The following ASB7 variants were observed in gnomAD, a reference collection of about 807,000 sequenced individuals.
ASB7 encodes ankyrin repeat and SOCS box protein 7.
A neutral mutation model predicts 32.5 loss-of-function variants in ASB7; 4 were observed. The ratio of observed to expected loss-of-function variants is 0.12; its 90% confidence interval spans 0.06 to 0.28. The LOEUF (loss-of-function observed/expected upper bound fraction) is 0.28, where lower values mean the gene tolerates loss of function less well. ASB7 is among the 10% of genes least tolerant of loss of function. The pLI is 1.00. For synonymous variants in ASB7, 172 were observed against 155.6 expected, an observed-to-expected ratio of 1.11 and a Z score of -0.78; for missense variants, 181 against 407.1, an observed-to-expected ratio of 0.44 and a Z score of 4.78.
rs553216641 is a variant in ASB7, at chr15:100,650,362, A to G, written c.*1900A>G. ...TTAAACCAATACCCAGGTCAGGGCT[A>G]GTTCACACTAGCACTGTTAGGGACA... On this transcript the variant is annotated 3_prime_UTR_variant, in exon 6 of 6. Transcript: ENST00000332783. 2.6e-5 allele frequency: 4 copies of G among 152,328 alleles called. No individual in the cohort carries two copies. The highest frequency in any genetic ancestry group is 9.6e-5 in the African/African-American group (4 of 41,568). The allele number at this position is 152,328 out of a possible 1,614,324, so 9.4% of individuals were successfully genotyped here. A position where few individuals can be genotyped will look rare whatever the true frequency, so the allele number is the denominator to read the frequency against.
At chr15:100,627,514 A>G (rs1417907043) in intron 4 of ASB7, among the ~76,000 whole-genome samples, 2 of 152,138 alleles carry the variant, frequency 1.3e-5, no homozygotes, top group African/African-American at 4.8e-5. Flanking sequence ...CTAATCTCCC[A>G]TTTGATTTTA....
intron 4 of ASB7, 125 bp downstream of exon 4, chr15:100,612,552 C>A: frequency 2.2e-6 from 2 of 898,118 alleles, no homozygotes; most frequent in South Asian, 1.6e-5. Flanking sequence ...TATTCTCTCT[C>A]CTTTGTGAAG....
At chr15:100,645,125 G>C (rs1293288278) in intron 5 of ASB7, among the ~76,000 whole-genome samples, 1 of 152,220 alleles carries the variant, frequency 6.6e-6, no homozygotes, top group Non-Finnish European at 1.5e-5. Context: ...GTATGGTCTA[G>C]TGGGCCCTGG....
chr15:100,608,665 TAGG>T (rs1375540399), intron 2 of ASB7, among the ~76,000 whole-genome samples: 3 of 152,202 alleles, frequency 2.0e-5, no homozygotes, highest in Non-Finnish European at 2.9e-5. Context: ...GCTTGCTTTG[TAGG>T]AGTTGTTCTG....
chr15:100,624,745 C>G (rs765797285), intron 4 of ASB7, among the ~76,000 whole-genome samples: 9 of 152,160 alleles, frequency 5.9e-5, no homozygotes, highest in Non-Finnish European at 1.0e-4. Flanking sequence ...AATTTTTTGA[C>G]AGAGGAGGGA....
rs1406002721 is a variant in ASB7, at chr15:100,651,033, C to A, written c.*2571C>A. On this transcript the variant is annotated 3_prime_UTR_variant, in exon 6 of 6. Transcript: ENST00000332783. ...GAACAGAAAATGTTCAGAATATTTT[C>A]AAATTTGTCAGATTCTTTTATGTTT... The A allele has an allele frequency of 6.6e-6, 1 of 152,146 alleles. No homozygotes were observed. The highest frequency in any genetic ancestry group is 1.5e-5 in the Non-Finnish European group (1 of 68,010). The allele number at this position is 152,146 out of a possible 1,614,324, so 9.4% of individuals were successfully genotyped here. A position where few individuals can be genotyped will look rare whatever the true frequency, so the allele number is the denominator to read the frequency against.
chr15:100,616,056 C>G (rs758081765), intron 4 of ASB7, among the ~76,000 whole-genome samples: 3 of 152,198 alleles, frequency 2.0e-5, no homozygotes, highest in Non-Finnish European at 4.4e-5. Flanking sequence ...AAGAGATTGT[C>G]ATCATTTTAT....
chr15:100,627,267 G>A (rs570180342), intron 4 of ASB7, among the ~76,000 whole-genome samples: 1 of 152,236 alleles, frequency 6.6e-6, no homozygotes, highest in South Asian at 2.1e-4. Flanking sequence ...AGTTCAGTGG[G>A]GTTGCTGTTT....
Position 100,648,767 on chromosome 15 carries a change from G to A in ASB7, c.*305G>A, listed in dbSNP as rs1307857561. 2.1e-5 allele frequency: 4 copies of A among 189,830 alleles called. No homozygotes were observed. Among genetic ancestry groups the A allele is most frequent in the Non-Finnish European group, 4.3e-5 (4 of 93,380 alleles). 11.8% of individuals were successfully genotyped at this position (189,830 alleles called of 1,614,324 possible). On this transcript the variant is annotated 3_prime_UTR_variant, in exon 6 of 6. Coordinates refer to ENST00000332783, the MANE Select transcript of ASB7 (RefSeq NM_198243.3). ...AATTGTCTTTTCTTAAATGACACAA[G>A]CAGGTTTAGAGTGGAGAATTTACCC...
At chr15:100,645,465 C>T in intron 5 of ASB7, 1 of 496,560 alleles carries the variant, frequency 2.0e-6, no homozygotes, top group South Asian at 1.8e-5. Context: ...TTATTATCTG[C>T]TCCTCCACTC....
intron 4 of ASB7, among the ~76,000 whole-genome samples, chr15:100,623,642 T>C (rs1267533133): frequency 1.3e-5 from 2 of 152,262 alleles, no homozygotes; most frequent in Middle Eastern, 3.4e-3. Context: ...GGTGGGACTG[T>C]CAATTAGTAT....
At chr15:100,609,073 C>A (rs1424905384) in intron 2 of ASB7, among the ~76,000 whole-genome samples, 2 of 152,172 alleles carry the variant, frequency 1.3e-5, no homozygotes, top group African/African-American at 4.8e-5. Flanking sequence ...GAAGAAAGAT[C>A]CCTTTTCTTT....
chr15:100,606,147 C>T (rs550312549), intron 2 of ASB7, among the ~76,000 whole-genome samples: 1 of 152,072 alleles, frequency 6.6e-6, no homozygotes, highest in African/African-American at 2.4e-5. Context: ...GTTTTTCCAT[C>T]CATCTTCCCT....
In ASB7 at chr15:100,620,996, G is replaced by C. The variant is rs72761271; in HGVS notation, c.212-8441G>C. Among the ~76,000 whole-genome samples the C allele has an allele frequency of 3.2e-4, 49 of 152,064 alleles. 1 individual carries two copies. Among genetic ancestry groups the C allele is most frequent in the African/African-American group, 1.2e-3 (48 of 41,484 alleles). On this transcript the variant is annotated intron_variant, in intron 4 of 5. Coordinates refer to ENST00000332783, the MANE Select transcript of ASB7 (RefSeq NM_198243.3). The stretch of plus-strand genomic sequence containing the variant: ...ATGAAAAAAAGTAGGAGATAGGGGG[G>C]TAATCAAAGAAATGCACAGAAGAAC...
intron 5 of ASB7, among the ~76,000 whole-genome samples, chr15:100,634,517 G>GA (rs1156365259): frequency 6.6e-6 from 1 of 152,160 alleles, no homozygotes; most frequent in Non-Finnish European, 1.5e-5. Context: ...AAAGAAAAGA[G>GA]ATAGGGCCAG....
chr15:100,632,946 C>T (rs368939801), intron 5 of ASB7, among the ~76,000 whole-genome samples: 56 of 151,630 alleles, frequency 3.7e-4, no homozygotes, highest in African/African-American at 1.3e-3. Context: ...GGGGAGAGGC[C>T]ATGAAGAGCT....
At chr15:100,607,159 A>AG (rs1485538414) in intron 2 of ASB7, among the ~76,000 whole-genome samples, 1 of 152,106 alleles carries the variant, frequency 6.6e-6, no homozygotes, top group East Asian at 1.9e-4. Context: ...CTCAAAAAAA[A>AG]AAAAAAGAAA....
chr15:100,618,612 C>T (rs1203564841), intron 4 of ASB7, among the ~76,000 whole-genome samples: 4 of 118,426 alleles, frequency 3.4e-5, no homozygotes, highest in African/African-American at 1.1e-4. Flanking sequence ...TCTCACCCTG[C>T]TGTGTGTGTG....
At chr15:100,622,351 A>G (rs182285613) in intron 4 of ASB7, among the ~76,000 whole-genome samples, 10 of 152,372 alleles carry the variant, frequency 6.6e-5, no homozygotes, top group Admixed American at 4.6e-4. Context: ...ATGGATTGGA[A>G]GAATTAATAT....
Sources: allele counts gnomAD v4.1 joint callset (sites outside exome capture counted in the v4.1 genomes callset), GRCh38; gene constraint gnomAD v4.1.1; transcripts MANE v1.5; gene names NCBI Gene and HGNC (gene_info 2026-07-23, HGNC 2026-07-21).